The following CCDC91 variants were observed in gnomAD, a reference collection of about 807,000 sequenced individuals.
CCDC91 encodes coiled-coil domain containing 91, also known as coiled-coil domain-containing protein 91.
CCDC91 carries 48 observed loss-of-function variants against 63.2 expected under a neutral mutation model. The ratio of observed to expected loss-of-function variants is 0.76; its 90% CI spans 0.60 to 0.97. The LOEUF is 0.97. CCDC91 is among the 50% of genes least tolerant of loss of function. CCDC91 has a pLI of 0.00. For missense variants in CCDC91, 500 were observed against 494.6 expected (o/e 1.01, Z -0.10); for synonymous variants, 167 against 165.8 (o/e 1.01, Z -0.06).
chr12:28,420,224 A>C (rs1947918373), intron 8 of CCDC91, among the ~76,000 whole-genome samples: 1 of 152,120 alleles, frequency 6.6e-6, no homozygotes, highest in African/African-American at 2.4e-5. Context: ...AAAAATCACA[A>C]ATCATAACAA....
At chr12:28,521,133 A>G (rs1940602652) in intron 12 of CCDC91, among the ~76,000 whole-genome samples, 1 of 152,190 alleles carries the variant, frequency 6.6e-6, no homozygotes, top group South Asian at 2.1e-4. Flanking sequence ...CTTGATCGCG[A>G]TGGCATTGAA....
chr12:28,401,141 C>G (rs1336794085), intron 8 of CCDC91, among the ~76,000 whole-genome samples: 2 of 152,098 alleles, frequency 1.3e-5, no homozygotes, highest in East Asian at 3.9e-4. Context: ...AGTATTAGTT[C>G]GTTTCATGCT....
intron 12 of CCDC91, among the ~76,000 whole-genome samples, chr12:28,547,538 C>A (rs1943075221): frequency 1.3e-5 from 2 of 152,048 alleles, no homozygotes; most frequent in South Asian, 4.1e-4. Context: ...TTTCTGCGTA[C>A]CTGGGTCTTA....
chr12:28,211,146 A>G (rs1400419499), intron 1 of CCDC91, among the ~76,000 whole-genome samples: 1 of 150,368 alleles, frequency 6.7e-6, no homozygotes, highest in African/African-American at 2.5e-5. Flanking sequence ...TTTTGTGTTA[A>G]TTAAAACTTC....
At chr12:28,433,180 T>G (rs1230173183) in intron 8 of CCDC91, among the ~76,000 whole-genome samples, 2 of 151,992 alleles carry the variant, frequency 1.3e-5, no homozygotes, top group African/African-American at 4.8e-5. Context: ...TTCATTCTCC[T>G]GACACTATCT....
intron 3 of CCDC91, among the ~76,000 whole-genome samples, chr12:28,265,761 G>T (rs1947144713): frequency 1.3e-5 from 2 of 152,094 alleles, no homozygotes; most frequent in South Asian, 2.1e-4. Flanking sequence ...TAGTAATAAT[G>T]AATGTTAATC....
At chr12:28,364,348 A>G (rs1485084636) in intron 7 of CCDC91, among the ~76,000 whole-genome samples, 1 of 152,222 alleles carries the variant, frequency 6.6e-6, no homozygotes, top group African/African-American at 2.4e-5. Flanking sequence ...AGATTGCGCC[A>G]TTGCACTCCT....
At chr12:28,477,362 A>G (rs1287470714) in intron 11 of CCDC91, among the ~76,000 whole-genome samples, 1 of 152,314 alleles carries the variant, frequency 6.6e-6, no homozygotes, top group East Asian at 1.9e-4. Context: ...AGATCCAAAG[A>G]CAAAACCACA....
At chr12:28,358,558 A>C (rs1592415128) in intron 6 of CCDC91, among the ~76,000 whole-genome samples, 1 of 152,220 alleles carries the variant, frequency 6.6e-6, no homozygotes, top group East Asian at 1.9e-4. Context: ...TCAAAGTGTG[A>C]AATCTTTCTG....
At chr12:28,214,358 A>G (rs1565621178) in intron 1 of CCDC91, among the ~76,000 whole-genome samples, 3 of 152,022 alleles carry the variant, frequency 2.0e-5, no homozygotes, top group African/African-American at 7.3e-5. Context: ...TGGAAAACTG[A>G]CCAACCCAAC....
chr12:28,369,627 A>G (rs543024861), intron 7 of CCDC91, among the ~76,000 whole-genome samples: 30 of 152,300 alleles, frequency 2.0e-4, no homozygotes, highest in Non-Finnish European at 2.8e-4. Context: ...TAGGGGATCC[A>G]ACCCCACATT....
At chr12:28,280,333 C>T (rs1592189792) in intron 3 of CCDC91, among the ~76,000 whole-genome samples, 2 of 152,050 alleles carry the variant, frequency 1.3e-5, no homozygotes, top group East Asian at 3.9e-4. Context: ...GTAACTATTT[C>T]TTATAGGTCT....
chr12:28,231,877 A>G (rs1051222586), intron 1 of CCDC91, among the ~76,000 whole-genome samples: 22 of 152,266 alleles, frequency 1.4e-4, no homozygotes, highest in African/African-American at 9.6e-5. Flanking sequence ...GCTATCTTCA[A>G]TGGTGATTTT....
At chr12:28,299,059 C>T (rs534352020) in intron 3 of CCDC91, among the ~76,000 whole-genome samples, 4 of 151,620 alleles carry the variant, frequency 2.6e-5, no homozygotes, top group Admixed American at 1.3e-4. Flanking sequence ...TTAGTGGTAG[C>T]AAGTCTTTCT....
Position 28,391,301 on chromosome 12 carries a change from C to T in CCDC91, c.655-3C>T. 6.3e-7 allele frequency: 1 copy of T among 1,591,326 alleles called. No individual in the cohort carries two copies. The highest frequency in any genetic ancestry group is 1.1e-5 in the South Asian group (1 of 88,700). ...TCCAAATGACTTTTTTGCTTGTTTT[C>T]AGGCACTACTGCAGTCTTCAGTTAA... is the stretch of plus-strand genomic sequence containing the variant. On this transcript the variant is annotated splice_region_variant and splice_polypyrimidine_tract_variant and intron_variant, in intron 7 of 12. Transcript: ENST00000536442.
chr12:28,403,722 T>C (rs1186084144), intron 8 of CCDC91, among the ~76,000 whole-genome samples: 1 of 152,152 alleles, frequency 6.6e-6, no homozygotes, highest in Non-Finnish European at 1.5e-5. Flanking sequence ...ATAGGCCTAC[T>C]CAGATTGTCT....
chr12:28,197,739 A>C (rs1337375643), intron 1 of CCDC91, among the ~76,000 whole-genome samples: 5 of 152,116 alleles, frequency 3.3e-5, no homozygotes, highest in Non-Finnish European at 5.9e-5. Flanking sequence ...TTTACTAAGC[A>C]GATTAGCAAA....
chr12:28,367,353 TAAA>T (rs1944341269), intron 7 of CCDC91, among the ~76,000 whole-genome samples: 1 of 151,898 alleles, frequency 6.6e-6, no homozygotes, highest in African/African-American at 2.4e-5. Context: ...TAACCAAAAT[TAAA>T]AACTCAGAGA....
intron 6 of CCDC91, among the ~76,000 whole-genome samples, chr12:28,332,892 A>G (rs894773258): frequency 9.2e-5 from 14 of 151,976 alleles, no homozygotes; most frequent in Admixed American, 8.5e-4. Context: ...CTTTGCACTT[A>G]TGAACATTAG....
Sources: allele counts gnomAD v4.1 joint callset (sites outside exome capture counted in the v4.1 genomes callset), GRCh38; gene constraint gnomAD v4.1.1; transcripts MANE v1.5; gene names NCBI Gene and HGNC (gene_info 2026-07-23, HGNC 2026-07-21).